DLC1: variants seen among roughly 807,000 people sequenced by gnomAD.
The protein encoded by DLC1 is rho GTPase-activating protein 7.
In DLC1, 54 loss-of-function variants were observed where a neutral mutation model predicts 140.3. The ratio of observed to expected loss-of-function variants is 0.38; its 90% confidence interval spans 0.31 to 0.48. DLC1 has a LOEUF of 0.48. DLC1 is among the 20% of genes least tolerant of loss of function. The probability of loss-of-function intolerance (pLI) is 0.96; values close to 1 mark genes in which losing one functional copy is unlikely to be tolerated. For missense variants in DLC1, 2,536 were observed against 1,907.0 expected, an observed-to-expected ratio of 1.33 and a Z score of -6.14; for synonymous variants, 986 against 728.1, an observed-to-expected ratio of 1.35 and a Z score of -5.70.
At chr8:13,147,186 C>A (rs969634452) in intron 5 of DLC1, among the ~76,000 whole-genome samples, 8 of 152,266 alleles carry the variant, frequency 5.3e-5, no homozygotes, top group African/African-American at 1.9e-4. Flanking sequence ...TTCCTTAGAA[C>A]CTAGTTTCTA....
intron 5 of DLC1, among the ~76,000 whole-genome samples, chr8:13,221,383 T>G (rs1341378916): frequency 6.7e-6 from 1 of 148,898 alleles, no homozygotes; most frequent in Non-Finnish European, 1.5e-5. Context: ...TTTTTTTTTT[T>G]GTTTTGAGAC....
Position 13,482,964 on chromosome 8 carries a change from C to T in DLC1, c.1023+16085G>A, listed in dbSNP as rs140840559. Among the ~76,000 whole-genome samples the T allele has an allele frequency of 3.7e-3, 563 of 152,320 alleles. 4 individuals carry two copies. The highest frequency in any genetic ancestry group is 0.013 in the African/African-American group (538 of 41,578). ...CTGAGGCTGCTCTAACAAATCACTA[C>T]AAACTTAACTGTTCTAAAACAACAG... On this transcript the variant is annotated intron_variant, in intron 2 of 17. Coordinates refer to ENST00000276297, the MANE Select transcript of DLC1 (RefSeq NM_182643.3).
intron 1 of DLC1, among the ~76,000 whole-genome samples, chr8:13,574,549 A>G (rs1290805520): frequency 6.6e-6 from 1 of 152,140 alleles, no homozygotes; most frequent in South Asian, 2.1e-4. Flanking sequence ...TGTTGCCACA[A>G]CACTAAAAAT....
chr8:13,315,816 C>G (rs569957607), intron 4 of DLC1, among the ~76,000 whole-genome samples: 2 of 152,302 alleles, frequency 1.3e-5, no homozygotes, highest in Admixed American at 1.3e-4. Context: ...TCACAGATCT[C>G]TTGATCAGTT....
chr8:13,357,081 C>T (rs1834976609), intron 4 of DLC1, among the ~76,000 whole-genome samples: 1 of 151,824 alleles, frequency 6.6e-6, no homozygotes, highest in Non-Finnish European at 1.5e-5. Flanking sequence ...CCAGCCTAGC[C>T]CATATAACAA....
chr8:13,330,345 G>A (rs73562594), intron 4 of DLC1, among the ~76,000 whole-genome samples: 1,594 of 152,230 alleles, frequency 0.01, 28 homozygotes, highest in African/African-American at 0.036. Context: ...TGGCAGAGGT[G>A]GAACGTTAGC....
In DLC1 at chr8:13,098,282, C is replaced by A. The variant is rs759824754; in HGVS notation, c.3167+117G>T. ...GCAGAGAGTGATTGCCATAGGATGA[C>A]AGATGAAATATATTAATAAAGGAGA... On this transcript the variant is annotated intron_variant, in intron 10 of 17. Coordinates refer to ENST00000276297, the MANE Select transcript of DLC1 (RefSeq NM_182643.3). The A allele has an allele frequency of 3.9e-6, 5 of 1,284,022 alleles. No homozygotes were observed. The East Asian group carries it at 1.2e-4, about 30-fold the overall frequency. 79.5% of individuals were successfully genotyped at this position (1,284,022 alleles called of 1,614,324 possible). A position where few individuals can be genotyped will look rare whatever the true frequency, so the allele number is the denominator to read the frequency against.
chr8:13,176,906 G>A (rs968877560), intron 5 of DLC1, among the ~76,000 whole-genome samples: 1 of 152,118 alleles, frequency 6.6e-6, no homozygotes, highest in Admixed American at 6.6e-5. Context: ...GCTGTTGCTG[G>A]GTTTGAAGAT....
At chr8:13,336,866 T>G (rs890447291) in intron 4 of DLC1, among the ~76,000 whole-genome samples, 2 of 148,918 alleles carry the variant, frequency 1.3e-5, no homozygotes, top group Non-Finnish European at 3.0e-5. Flanking sequence ...GGAAACAAAA[T>G]TAACACATTA....
chr8:13,577,412 T>C (rs11785331), intron 1 of DLC1, among the ~76,000 whole-genome samples: 14,054 of 152,170 alleles, frequency 0.092, 777 homozygotes, highest in South Asian at 0.18. Flanking sequence ...AGAATTTAGG[T>C]AATGTATTTT....
chr8:13,461,458 C>A (rs1387480216), intron 2 of DLC1, among the ~76,000 whole-genome samples: 1 of 152,162 alleles, frequency 6.6e-6, no homozygotes, highest in Non-Finnish European at 1.5e-5. Context: ...CCTTGCCCTG[C>A]CAAGGGCAGG....
At chr8:13,324,915 C>G (rs559138459) in intron 4 of DLC1, among the ~76,000 whole-genome samples, 1 of 152,062 alleles carries the variant, frequency 6.6e-6, no homozygotes, top group Non-Finnish European at 1.5e-5. Context: ...CTTTTGACAA[C>G]ACTTTGGTGA....
At chr8:13,276,252 T>C (rs748196722) in intron 5 of DLC1, 2 of 1,535,360 alleles carry the variant, frequency 1.3e-6, no homozygotes, top group South Asian at 2.4e-5. Flanking sequence ...AATCCCCCTC[T>C]GCCTCTCACC....
chr8:13,154,695 G>A (rs1585789379), intron 5 of DLC1, among the ~76,000 whole-genome samples: 1 of 152,228 alleles, frequency 6.6e-6, no homozygotes. Context: ...CAGAGTGGAC[G>A]CTGAGGCCTG....
chr8:13,596,027 C>T (rs1400869855), intron 1 of DLC1, among the ~76,000 whole-genome samples: 1 of 152,026 alleles, frequency 6.6e-6, no homozygotes, highest in Non-Finnish European at 1.5e-5. Flanking sequence ...TACACTTTCA[C>T]ATGATGAGTT....
At chr8:13,125,648 A>G (rs950207462) in intron 5 of DLC1, among the ~76,000 whole-genome samples, 1 of 152,136 alleles carries the variant, frequency 6.6e-6, no homozygotes, top group African/African-American at 2.4e-5. Context: ...GCCTATTTCA[A>G]CAGTGCCCTC....
At chr8:13,120,356 A>AAAAAAATATATAT in intron 5 of DLC1, among the ~76,000 whole-genome samples, 1 of 61,122 alleles carries the variant, frequency 1.6e-5, no homozygotes, top group East Asian at 7.2e-4. Context: ...AAAAAAAAAA[A>AAAAAAATATATAT]ATATATATAT....
At chr8:13,353,253 A>G (rs1834758141) in intron 4 of DLC1, 1 of 152,204 alleles carries the variant, frequency 6.6e-6, no homozygotes, top group Admixed American at 6.5e-5. Context: ...CATTTTGATT[A>G]AAAGTTTTAG....
chr8:13,090,352 A>T lies in DLC1; in HGVS notation c.3974T>A (p.Leu1325His). Residue 1325 changes from leucine (L) to histidine (H), a missense_variant, in exon 15 of 18, where the codon CTC becomes CAC. Leu to His is a moderately conservative substitution (Grantham distance 99). Transcript: ENST00000276297. ...AAACAGGCCATCCACACAGTCCTGG[A>T]GGAAGTGTTGGTAGTCAGCTGAGTC... ...NDDSADYQHF[L>H]QDCVDGLFKE... 6.2e-7 allele frequency: 1 copy of T among 1,614,160 alleles called. No homozygotes were observed. Among genetic ancestry groups the T allele is most frequent in the Non-Finnish European group, 8.5e-7 (1 of 1,180,028 alleles).
Sources: allele counts gnomAD v4.1 joint callset (sites outside exome capture counted in the v4.1 genomes callset), GRCh38; gene constraint gnomAD v4.1.1; transcripts MANE v1.5; gene names NCBI Gene and HGNC (gene_info 2026-07-23, HGNC 2026-07-21).